IPCEF1: variants seen among roughly 807,000 people sequenced by gnomAD.
IPCEF1 encodes interaction protein for cytohesin exchange factors 1.
Under a neutral mutation model 50.9 loss-of-function variants are expected in IPCEF1, and 31 were observed. The ratio of observed to expected loss-of-function variants is 0.61; its 90% CI spans 0.46 to 0.82. IPCEF1 has a LOEUF of 0.82. Among genes scored for constraint, IPCEF1 ranks in the 40% least tolerant of loss-of-function variants. IPCEF1 has a pLI of 0.00. For missense variants in IPCEF1, 458 were observed against 514.0 expected, an observed-to-expected ratio of 0.89 and a Z score of 1.05; for synonymous variants, 181 against 192.0, an observed-to-expected ratio of 0.94 and a Z score of 0.47.
intron 1 of IPCEF1, among the ~76,000 whole-genome samples, chr6:154,351,913 A>C (rs569242527): frequency 1.3e-5 from 2 of 152,368 alleles, no homozygotes; most frequent in Admixed American, 1.3e-4. Flanking sequence ...GTTCTCACTT[A>C]CAAGTGGGAG....
At chr6:154,346,698 G>C (rs142973270) in intron 1 of IPCEF1, among the ~76,000 whole-genome samples, 1 of 152,226 alleles carries the variant, frequency 6.6e-6, no homozygotes, top group African/African-American at 2.4e-5. Context: ...CAGCATGAGA[G>C]AGAAGTGCAG....
intron 7 of IPCEF1, among the ~76,000 whole-genome samples, chr6:154,219,935 A>G (rs930155258): frequency 3.3e-5 from 5 of 151,462 alleles, no homozygotes; most frequent in Admixed American, 1.3e-4. Flanking sequence ...AGGATAGGGG[A>G]CAGATGAGAG....
intron 1 of IPCEF1, among the ~76,000 whole-genome samples, chr6:154,337,241 C>T (rs1316222116): frequency 1.3e-5 from 2 of 152,154 alleles, no homozygotes; most frequent in Non-Finnish European, 2.9e-5. Flanking sequence ...AGGAGATTTC[C>T]TTCTCAAAAT....
intron 6 of IPCEF1, 44 bp downstream of exon 6, chr6:154,223,126 A>T (rs1049268017): frequency 7.2e-7 from 1 of 1,391,000 alleles, no homozygotes; most frequent in African/African-American, 1.4e-5. Flanking sequence ...ATGAAGAGAT[A>T]GTATCCTGGC....
intron 1 of IPCEF1, among the ~76,000 whole-genome samples, chr6:154,291,134 C>T (rs1216872539): frequency 2.0e-5 from 3 of 152,092 alleles, no homozygotes; most frequent in Admixed American, 6.5e-5. Flanking sequence ...CCTCGTGATC[C>T]ACCCGTCTCG....
chr6:154,331,417 A>G (rs564332140), intron 1 of IPCEF1, among the ~76,000 whole-genome samples: 9 of 144,466 alleles, frequency 6.2e-5, no homozygotes, highest in South Asian at 2.2e-4. Flanking sequence ...GAGAGAGAAA[A>G]AGAAAGAGAG....
At chr6:154,329,859 A>T (rs76667256) in intron 1 of IPCEF1, among the ~76,000 whole-genome samples, 2,175 of 152,330 alleles carry the variant, frequency 0.014, 51 homozygotes, top group African/African-American at 0.049. Context: ...GGAAATGCTC[A>T]TCTGAGCTCA....
intron 1 of IPCEF1, among the ~76,000 whole-genome samples, chr6:154,290,199 A>G (rs1782478083): frequency 1.3e-5 from 2 of 151,938 alleles, no homozygotes; most frequent in Admixed American, 1.3e-4. Context: ...TTAGCATATG[A>G]CCTCCCTCTG....
At chr6:154,276,125 A>G (rs1394422485) in intron 2 of IPCEF1, among the ~76,000 whole-genome samples, 1 of 151,990 alleles carries the variant, frequency 6.6e-6, no homozygotes, top group Non-Finnish European at 1.5e-5. Flanking sequence ...TGGAGGTTGC[A>G]GTGAGCCGAG....
chr6:154,163,943 T>G (rs1799225087), intron 11 of IPCEF1, among the ~76,000 whole-genome samples: 1 of 152,222 alleles, frequency 6.6e-6, no homozygotes, highest in Admixed American at 6.5e-5. Context: ...GCAGAGGGAT[T>G]GTTTATAGAA....
chr6:154,319,785 T>A (rs1483589608), intron 1 of IPCEF1, among the ~76,000 whole-genome samples: 2 of 152,238 alleles, frequency 1.3e-5, no homozygotes, highest in Non-Finnish European at 2.9e-5. Flanking sequence ...CCTGCCCATA[T>A]AAACAAGCCT....
intron 6 of IPCEF1, 59 bp downstream of exon 6, chr6:154,223,111 A>G (rs1778996275): frequency 2.3e-6 from 3 of 1,292,852 alleles, no homozygotes; most frequent in Non-Finnish European, 3.4e-6. Flanking sequence ...CCCTTGGTGA[A>G]CATTATGAAG....
chr6:154,210,276 T>C (rs1777859490), intron 9 of IPCEF1, among the ~76,000 whole-genome samples: 1 of 152,110 alleles, frequency 6.6e-6, no homozygotes, highest in Admixed American at 6.5e-5. Context: ...AAACTGAAAA[T>C]GCCAGTATTT....
intron 1 of IPCEF1, among the ~76,000 whole-genome samples, chr6:154,323,369 G>A (rs945459433): frequency 6.6e-6 from 1 of 151,938 alleles, no homozygotes; most frequent in African/African-American, 2.4e-5. Flanking sequence ...TTCTGCAGCA[G>A]GATTAAGCTA....
intron 1 of IPCEF1, among the ~76,000 whole-genome samples, chr6:154,351,492 T>C (rs577826748): frequency 6.6e-6 from 1 of 152,300 alleles, no homozygotes; most frequent in Non-Finnish European, 1.5e-5. Flanking sequence ...TTCCACTATC[T>C]CTTCACTAAG....
chr6:154,156,798 A>G lies in IPCEF1; in HGVS notation c.*3030T>C, dbSNP rs1235288477. ...AGGGCTCAGAGTGTCTATTTGCAAT[A>G]TATCAACCAGTGAAGGCATCACATC... On this transcript the variant is annotated 3_prime_UTR_variant, in exon 12 of 12. Transcript: ENST00000367220. The G allele has an allele frequency of 1.3e-5, 2 of 152,338 alleles. No individual in the cohort carries two copies. The highest frequency in any genetic ancestry group is 4.1e-4 in the South Asian group (2 of 4,830). The allele number at this position is 152,338 out of a possible 1,614,324, so 9.4% of individuals were successfully genotyped here.
At chr6:154,300,392 G>A (rs931746492) in intron 1 of IPCEF1, among the ~76,000 whole-genome samples, 7 of 152,142 alleles carry the variant, frequency 4.6e-5, no homozygotes, top group East Asian at 1.9e-4. Flanking sequence ...CAGGAGGATC[G>A]CTTCAGGCCA....
At position 154,238,638 on chromosome 6, in the gene IPCEF1, C is replaced by T. The variant is rs531828092; in HGVS notation, c.246+7953G>A. Among the ~76,000 whole-genome samples, 30 of 151,960 alleles carry T rather than the reference C, an allele frequency of 2.0e-4. 1 individual carries two copies. In the South Asian group the frequency reaches 4.6e-3, roughly 23 times the overall value. Reference sequence around the variant, plus strand: ...CCATGTCTGTCTTCTTTTTTTATTTCGCTTACTTCTATTTTCAAATTTTTC... The same window carrying T: ...CCATGTCTGTCTTCTTTTTTTATTTTGCTTACTTCTATTTTCAAATTTTTC... On this transcript the variant is annotated intron_variant, in intron 5 of 11. Transcript: ENST00000367220.
intron 6 of IPCEF1, among the ~76,000 whole-genome samples, chr6:154,222,298 A>G (rs897185847): frequency 6.6e-5 from 10 of 152,250 alleles, no homozygotes; most frequent in Non-Finnish European, 1.5e-4. Context: ...TTCAAACCAC[A>G]AGAATCAGCA....
Sources: gnomAD v4.1 joint callset for allele counts (sites outside exome capture counted in the v4.1 genomes callset) on GRCh38, gnomAD v4.1.1 for gene constraint, MANE v1.5 for transcripts, NCBI Gene and HGNC (gene_info 2026-07-23, HGNC 2026-07-21) for gene names.